The following TBL1X variants were observed in gnomAD, a reference collection of about 807,000 sequenced individuals.
TBL1X encodes the protein transducin beta like 1 X-linked.
A neutral mutation model predicts 50.7 loss-of-function variants in TBL1X; 10 were observed. That is an observed-to-expected ratio of 0.20 (90% confidence interval 0.12 to 0.33). The LOEUF is 0.33. Ranked by LOEUF, TBL1X falls within the 10% of genes least tolerant of loss-of-function variation. The pLI, the probability that TBL1X is intolerant of heterozygous loss-of-function variation, is 1.00. For synonymous variants in TBL1X, 190 were observed against 214.7 expected (o/e 0.88, Z 1.01); for missense variants, 340 against 504.4 (o/e 0.67, Z 3.12).
intron 2 of TBL1X, among the ~76,000 whole-genome samples, chrX:9,523,960 C>CT (rs63038662): frequency 0.052 from 2,126 of 40,806 alleles, 237 homozygotes; most frequent in African/African-American, 0.098. Context: ...TCATTTTAAC[C>CT]TTTTTTTTTT....
chrX:9,545,957 T>C (rs2082240062), intron 2 of TBL1X, among the ~76,000 whole-genome samples: 1 of 111,816 alleles, frequency 8.9e-6, no homozygotes. Context: ...ATTAGAGTGA[T>C]GTTGAACAGT....
At chrX:9,707,750 G>C (rs1244884396) in intron 13 of TBL1X, among the ~76,000 whole-genome samples, 1 of 112,120 alleles carries the variant, frequency 8.9e-6, no homozygotes, top group Non-Finnish European at 1.9e-5. Context: ...AGACACCCAT[G>C]CGTGTGCACA....
chrX:9,612,833 C>T (rs956158196), intron 2 of TBL1X, among the ~76,000 whole-genome samples: 5 of 109,955 alleles, frequency 4.5e-5, no homozygotes, highest in African/African-American at 9.9e-5. Context: ...ACTATGTAAC[C>T]GCAAAAATTT....
At chrX:9,564,054 G>A (rs3891745) in intron 2 of TBL1X, among the ~76,000 whole-genome samples, 4 of 112,542 alleles carry the variant, frequency 3.6e-5, no homozygotes, top group African/African-American at 1.3e-4. Context: ...ACTGAACATA[G>A]ACTTCTTTGA....
chrX:9,569,199 CTGTG>C (rs1352505608), intron 2 of TBL1X, among the ~76,000 whole-genome samples: 1 of 99,041 alleles, frequency 1.0e-5, no homozygotes, highest in Non-Finnish European at 2.0e-5. Context: ...GTGCAGTGTA[CTGTG>C]TGTGTGTGAT....
chrX:9,631,394 G>C (rs778323709), intron 2 of TBL1X, among the ~76,000 whole-genome samples: 11 of 111,976 alleles, frequency 9.8e-5, no homozygotes, highest in African/African-American at 3.2e-4. Context: ...TTTTCTCTTT[G>C]TACCACTTAC....
intron 2 of TBL1X, among the ~76,000 whole-genome samples, chrX:9,620,756 C>T (rs140005275): frequency 9.9e-5 from 11 of 111,489 alleles, no homozygotes; most frequent in African/African-American, 3.6e-4. Flanking sequence ...AGTGCTTTGC[C>T]GGCCATAATA....
intron 5 of TBL1X, among the ~76,000 whole-genome samples, chrX:9,683,024 C>T (rs1385487926): frequency 9.0e-6 from 1 of 111,378 alleles, no homozygotes; most frequent in Non-Finnish European, 1.9e-5. Flanking sequence ...TTTCAAGCTC[C>T]TGTGCACCCT....
chrX:9,473,668 C>G (rs138746136), intron 1 of TBL1X, among the ~76,000 whole-genome samples: 1,220 of 111,796 alleles, frequency 0.011, 50 homozygotes, highest in Admixed American at 0.09. Flanking sequence ...CAGTTCTGTC[C>G]CCCACCTTTG....
At chrX:9,674,639 G>A (rs1262251112) in intron 5 of TBL1X, among the ~76,000 whole-genome samples, 8 of 86,755 alleles carry the variant, frequency 9.2e-5, no homozygotes, top group Non-Finnish European at 1.3e-4. Context: ...ATGGCTCACC[G>A]TAGCCTCAGC....
chrX:9,487,159 TACAC>T (rs1327563423), intron 1 of TBL1X, among the ~76,000 whole-genome samples: 1 of 112,071 alleles, frequency 8.9e-6, no homozygotes. Context: ...TTACTGAGCA[TACAC>T]ACAACTCATT....
chrX:9,685,458 G>A (rs1318107349), intron 6 of TBL1X, among the ~76,000 whole-genome samples: 1 of 110,066 alleles, frequency 9.1e-6, no homozygotes, highest in East Asian at 2.9e-4. Context: ...TGATTTCTCA[G>A]TCCCCTGCAG....
intron 1 of TBL1X, among the ~76,000 whole-genome samples, chrX:9,499,273 C>T (rs776564062): frequency 3.6e-5 from 4 of 111,881 alleles, no homozygotes; most frequent in Non-Finnish European, 7.5e-5. Context: ...TGTCTGTCAC[C>T]ACCCCTGTCC....
intron 2 of TBL1X, among the ~76,000 whole-genome samples, chrX:9,585,345 C>G (rs959340798): frequency 4.3e-5 from 4 of 93,739 alleles, no homozygotes; most frequent in African/African-American, 7.8e-5. Context: ...TCCCCTCCCC[C>G]CCCCGCCACA....
At chrX:9,536,620 A>G (rs772332311) in intron 2 of TBL1X, among the ~76,000 whole-genome samples, 23 of 111,578 alleles carry the variant, frequency 2.1e-4, no homozygotes, top group African/African-American at 7.5e-4. Flanking sequence ...AATAAGTTAC[A>G]TTTGTCTTGC....
Position 9,718,865 on chromosome X carries a change from G to A in TBL1X, c.*2619G>A, listed in dbSNP as rs918163890. 3.6e-5 allele frequency: 4 copies of A among 111,745 alleles called. No homozygotes were observed. The highest frequency in any genetic ancestry group is 1.9e-5 in the Non-Finnish European group (1 of 53,153). The allele number at this position is 111,745 out of a possible 1,213,427, so 9.2% of individuals were successfully genotyped here. On this transcript the variant is annotated 3_prime_UTR_variant, in exon 18 of 18. Transcript: ENST00000645353. ...TCCATCCCTGGCTTCCCCAGCCTGCGGCCGCAAGCAAAACCAAGCGCGAGA... is the reference window on the plus strand; with the variant it reads ...TCCATCCCTGGCTTCCCCAGCCTGCAGCCGCAAGCAAAACCAAGCGCGAGA...
At chrX:9,575,973 A>G (rs1444480591) in intron 2 of TBL1X, among the ~76,000 whole-genome samples, 2 of 112,165 alleles carry the variant, frequency 1.8e-5, no homozygotes, top group African/African-American at 6.5e-5. Flanking sequence ...TTTCAAAAAC[A>G]TTAATATCAG....
chrX:9,648,938 A>G (rs2096157241), intron 3 of TBL1X, among the ~76,000 whole-genome samples: 1 of 112,168 alleles, frequency 8.9e-6, no homozygotes, highest in African/African-American at 3.2e-5. Flanking sequence ...GTTTGTCTGG[A>G]ACAGTGGTTC....
At chrX:9,689,929 CA>C (rs2083086810) in intron 7 of TBL1X, among the ~76,000 whole-genome samples, 1 of 112,529 alleles carries the variant, frequency 8.9e-6, no homozygotes, top group Non-Finnish European at 1.9e-5. Context: ...GCAGGACCAC[CA>C]GGCGTTTTCT....
Sources: gnomAD v4.1 joint callset for allele counts (sites outside exome capture counted in the v4.1 genomes callset) on GRCh38, gnomAD v4.1.1 for gene constraint, MANE v1.5 for transcripts, NCBI Gene and HGNC (gene_info 2026-07-23, HGNC 2026-07-21) for gene names.